The following NRXN2 variants were observed in gnomAD, a reference collection of about 807,000 sequenced individuals.
NRXN2 encodes neurexin 2.
A neutral mutation model predicts 128.8 loss-of-function variants in NRXN2; 29 were observed. That is an observed-to-expected ratio of 0.23 (90% CI 0.17 to 0.31). NRXN2 has a LOEUF of 0.31. Ranked by LOEUF, NRXN2 falls within the 10% of genes least tolerant of loss-of-function variation. The pLI is 1.00. For missense variants in NRXN2, 1,881 were observed against 2,452.6 expected (o/e 0.77, Z 4.92); for synonymous variants, 1,098 against 1,075.2 (o/e 1.02, Z -0.41).
At chr11:64,642,143 AGAT>A (rs1050143714) in intron 17 of NRXN2, among the ~76,000 whole-genome samples, 1 of 151,668 alleles carries the variant, frequency 6.6e-6, no homozygotes, top group African/African-American at 2.4e-5. Context: ...ACAGATGGAG[AGAT>A]GATAAGGGGC....
chr11:64,712,672 T>C (rs2057048226), intron 2 of NRXN2: 3 of 580,206 alleles, frequency 5.2e-6, no homozygotes, highest in Admixed American at 2.2e-5. Flanking sequence ...CGGGGCTTCA[T>C]GCACCCCACC....
intron 7 of NRXN2, 86 bp downstream of exon 7, chr11:64,676,907 A>G: frequency 9.0e-7 from 1 of 1,109,100 alleles, no homozygotes; most frequent in Non-Finnish European, 1.4e-6. Flanking sequence ...AAAACCAAAC[A>G]GGGAGAGGAA....
At chr11:64,712,797 C>G in intron 2 of NRXN2, 173 bp downstream of exon 2, 1 of 715,200 alleles carries the variant, frequency 1.4e-6, no homozygotes, top group East Asian at 3.0e-5. Flanking sequence ...GCCAACCCCA[C>G]GCGCCCTCGC....
chr11:64,712,909 G>C, intron 2 of NRXN2, 61 bp downstream of exon 2: 1 of 1,423,850 alleles, frequency 7.0e-7, no homozygotes, highest in Non-Finnish European at 9.4e-7. Context: ...CGACCCCCAC[G>C]AAGCGCCCCA....
intron 5 of NRXN2, among the ~76,000 whole-genome samples, chr11:64,689,570 T>G (rs138285505): frequency 1.3e-3 from 197 of 152,186 alleles, no homozygotes; most frequent in African/African-American, 4.0e-3. Context: ...GGAACAAAAA[T>G]ATCCAATCCC....
At chr11:64,643,506 G>A (rs71579882) in intron 17 of NRXN2, 3,519 of 152,260 alleles carry the variant, frequency 0.023, 64 homozygotes, top group Non-Finnish European at 0.035. Context: ...GAGAGATGGA[G>A]GCAGCGAAGT....
At chr11:64,704,663 G>GAGAGAGAGAGAA (rs2056019404) in intron 2 of NRXN2, among the ~76,000 whole-genome samples, 2 of 144,702 alleles carry the variant, frequency 1.4e-5, no homozygotes, top group South Asian at 4.4e-4. Flanking sequence ...GAGAGAGAGA[G>GAGAGAGAGAGAA]AGAGAGAGAT....
intron 17 of NRXN2, among the ~76,000 whole-genome samples, chr11:64,641,197 G>T (rs2045608976): frequency 6.6e-6 from 1 of 152,018 alleles, no homozygotes; most frequent in African/African-American, 2.4e-5. Context: ...TGAATAGGAG[G>T]ACAGGTATGT....
In NRXN2 at chr11:64,620,319, G is replaced by T; in HGVS notation, c.4227C>A (p.Asp1409Glu). ...CAGTACTGGGCTCACACTCCTCCAG[G>T]TCCTCATCATCGCTTGGACACTCAG... ...ASAECPSDDE[D>E]LEECEPSTGG... is the part of the protein sequence containing the mutation. The change falls in exon 22 of 23, where the codon GAC becomes GAA. Residue 1409 changes from aspartate to glutamate, a missense_variant. Physicochemically the swap from Asp to Glu is conservative, Grantham distance 45. Around this residue, in one of 7 missense-constraint regions of NRXN2, gnomAD observed 108 missense variants for 165.2 expected, o/e 0.65. Coordinates refer to ENST00000265459, the MANE Select transcript of NRXN2 (RefSeq NM_015080.4). 1 of 1,554,028 alleles carries T rather than the reference G, an allele frequency of 6.4e-7. No individual in the cohort carries two copies.
intron 1 of NRXN2, among the ~76,000 whole-genome samples, chr11:64,719,110 A>G (rs1445237112): frequency 2.0e-5 from 3 of 152,220 alleles, no homozygotes; most frequent in Non-Finnish European, 4.4e-5. Context: ...CGTGTGAAAA[A>G]AAAGTGTGTC....
Position 64,648,538 on chromosome 11 carries a change from GGT to G in NRXN2, c.3283+194_3283+195del, listed in dbSNP as rs567200652. 1.5e-4 allele frequency among the ~76,000 whole-genome samples: 23 copies of G among 152,296 alleles called. No individual in the cohort carries two copies. In the South Asian group the frequency reaches 4.6e-3, roughly 30 times the overall value. ...GCCTTGGACTGTGACAAGGGGCCAGGGTGTGAGACAACAGGGAGGGCAAGTGA... is the reference window on the plus strand; with the variant it reads ...GCCTTGGACTGTGACAAGGGGCCAGGGTGAGACAACAGGGAGGGCAAGTGA... On this transcript the variant is annotated intron_variant, in intron 16 of 22. Transcript: ENST00000265459. The surrounding 1 kb of genome is among the most constrained non-coding windows in gnomAD (Gnocchi z 4.1).
At chr11:64,712,145 G>T (rs1484943349) in intron 2 of NRXN2, among the ~76,000 whole-genome samples, 1 of 151,926 alleles carries the variant, frequency 6.6e-6, no homozygotes. Flanking sequence ...GCCCACACTG[G>T]CCTTTCCACA....
chr11:64,616,332 G>A (rs577270689), intron 22 of NRXN2, among the ~76,000 whole-genome samples: 10 of 152,272 alleles, frequency 6.6e-5, no homozygotes, highest in Admixed American at 6.5e-4. Flanking sequence ...TCATAGATGT[G>A]CATTTCTGTA....
intron 17 of NRXN2, among the ~76,000 whole-genome samples, chr11:64,640,650 A>T (rs991174892): frequency 6.6e-5 from 10 of 152,264 alleles, no homozygotes; most frequent in South Asian, 2.1e-4. Flanking sequence ...GCCTGAGAGG[A>T]GCCAGGTGGG....
intron 5 of NRXN2, chr11:64,688,492 T>C (rs771464143): frequency 6.1e-6 from 6 of 985,238 alleles, no homozygotes; most frequent in East Asian, 1.1e-4. Flanking sequence ...GGGATTCTAC[T>C]GGGGTGAGCC....
chr11:64,713,628 C>T lies in NRXN2; in HGVS notation c.72G>A (p.Ala24=). The T allele has an allele frequency of 8.0e-7, 1 of 1,251,894 alleles. No individual in the cohort carries two copies. Among genetic ancestry groups the T allele is most frequent in the Non-Finnish European group, 1.0e-6 (1 of 994,144 alleles). The allele number at this position is 1,251,894 out of a possible 1,614,324, so 77.5% of individuals were successfully genotyped here. A position where few individuals can be genotyped will look rare whatever the true frequency, so the allele number is the denominator to read the frequency against. The stretch of plus-strand genomic sequence containing the variant: ...CGCCGAACTCCAGGCCGTCCGCGCG[C>T]GCCGCCAGCGCCAGCAGCAGCAGCA... ...LLLLLLLALA[A]RADGLEFGGG... is the part of the protein sequence containing the mutation. The change falls in exon 2 of 23, where the codon GCG becomes GCA. Residue 24 remains alanine (A), a synonymous_variant. Coordinates refer to ENST00000265459, the MANE Select transcript of NRXN2 (RefSeq NM_015080.4).
Position 64,623,562 on chromosome 11 carries a change from G to C in NRXN2, c.3848-484C>G. On this transcript the variant is annotated intron_variant, in intron 20 of 22. Coordinates refer to ENST00000265459, the MANE Select transcript of NRXN2 (RefSeq NM_015080.4). The surrounding 1 kb of genome is among the most constrained non-coding windows in gnomAD (Gnocchi z 4.9). ...GAGACAAAGAGGCAGAGACAGAGGA[G>C]GTAGCTGCCAGGCCAAGGTGGAGTC... The C allele has an allele frequency of 5.2e-6, 1 of 192,986 alleles. No individual in the cohort carries two copies. Among genetic ancestry groups the C allele is most frequent in the Admixed American group, 5.3e-5 (1 of 18,704 alleles). The allele number at this position is 192,986 out of a possible 1,614,324, so 12.0% of individuals were successfully genotyped here.
chr11:64,688,241 C>A (rs1418581271), intron 5 of NRXN2: 5 of 973,438 alleles, frequency 5.1e-6, no homozygotes, highest in Non-Finnish European at 6.1e-6. Context: ...GGGTGGGTGG[C>A]AAAGCTAGCT....
intron 7 of NRXN2, among the ~76,000 whole-genome samples, chr11:64,669,470 C>T (rs939754506): frequency 1.3e-4 from 20 of 152,124 alleles, no homozygotes; most frequent in Non-Finnish European, 2.9e-5. Context: ...GGGGACAGGG[C>T]TAACTTAATG....
Sources: allele counts gnomAD v4.1 joint callset (sites outside exome capture counted in the v4.1 genomes callset), GRCh38; gene constraint gnomAD v4.1.1; regional missense constraint gnomAD v4.1.1; non-coding constraint Gnocchi (gnomAD v3.1); transcripts MANE v1.5; gene names NCBI Gene and HGNC (gene_info 2026-07-23, HGNC 2026-07-21).